Variants in CTNNA2 observed in about 807,000 individuals in gnomAD.
CTNNA2 encodes catenin alpha 2.
Under a neutral mutation model 101.0 loss-of-function variants are expected in CTNNA2, and 42 were observed. That is an observed-to-expected ratio of 0.42 (90% confidence interval 0.32 to 0.54). The LOEUF (loss-of-function observed/expected upper bound fraction) is 0.54. CTNNA2 is among the 20% of genes least tolerant of loss of function. CTNNA2 has a pLI of 0.14. For synonymous variants in CTNNA2, 450 were observed against 456.4 expected (o/e 0.99, Z 0.18); for missense variants, 871 against 1,223.1 (o/e 0.71, Z 4.29).
chr2:79,638,881 A>G (rs1460150269), intron 1 of CTNNA2, among the ~76,000 whole-genome samples: 1 of 152,166 alleles, frequency 6.6e-6, no homozygotes. Flanking sequence ...AAATATCTGC[A>G]TTTCTTTCTT....
At chr2:79,642,964 A>G (rs1233977058) in intron 1 of CTNNA2, among the ~76,000 whole-genome samples, 1 of 152,026 alleles carries the variant, frequency 6.6e-6, no homozygotes, top group Non-Finnish European at 1.5e-5. Flanking sequence ...AGGCCAAGGC[A>G]GGCAGATCAC....
At chr2:79,474,553 TTTAA>T (rs1458305568) in intron 4 of CTNNA2, among the ~76,000 whole-genome samples, 3 of 152,202 alleles carry the variant, frequency 2.0e-5, no homozygotes, top group Non-Finnish European at 2.9e-5. Context: ...TTTACTGTAC[TTTAA>T]TTATTTTTTA....
chr2:80,321,008 G>A (rs1678623188), intron 7 of CTNNA2, among the ~76,000 whole-genome samples: 1 of 152,154 alleles, frequency 6.6e-6, no homozygotes, highest in Admixed American at 6.5e-5. Flanking sequence ...ACCATAGTGT[G>A]CCAATATTAA....
chr2:79,525,656 A>G (rs556032787), intron 1 of CTNNA2, among the ~76,000 whole-genome samples: 9 of 152,148 alleles, frequency 5.9e-5, no homozygotes, highest in African/African-American at 1.9e-4. Context: ...AATAGATGAT[A>G]TAATTTTTAC....
At chr2:80,626,563 G>A (rs914121854) in intron 18 of CTNNA2, among the ~76,000 whole-genome samples, 1 of 151,904 alleles carries the variant, frequency 6.6e-6, no homozygotes, top group Non-Finnish European at 1.5e-5. Context: ...TTGCTGCTCT[G>A]ATTAAGATTG....
At chr2:80,263,121 A>G (rs1212034793) in intron 7 of CTNNA2, among the ~76,000 whole-genome samples, 1 of 152,116 alleles carries the variant, frequency 6.6e-6, no homozygotes, top group Non-Finnish European at 1.5e-5. Context: ...GAGTTTGTAC[A>G]TAATTGCTTA....
In CTNNA2 at chr2:79,744,595, A is replaced by C. The variant is rs955654943; in HGVS notation, c.298+13A>C. ...GTGCGCAAACAAGGTAGGCAGAATG[A>C]TATTATTGTTCAAGGCGGATCTATA... On this transcript the variant is annotated intron_variant, in intron 3 of 18. Transcript: ENST00000402739. 2 of 1,611,448 alleles carry C rather than the reference A, an allele frequency of 1.2e-6. No homozygotes were observed. Among genetic ancestry groups the C allele is most frequent in the African/African-American group, 2.7e-5 (2 of 74,862 alleles).
At chr2:79,310,189 T>C (rs751682211) in intron 2 of CTNNA2, among the ~76,000 whole-genome samples, 7 of 152,204 alleles carry the variant, frequency 4.6e-5, no homozygotes, top group Non-Finnish European at 7.4e-5. Flanking sequence ...TAGACTATGT[T>C]GCACTTTGTT....
chr2:79,835,598 G>A (rs532968593), intron 3 of CTNNA2, among the ~76,000 whole-genome samples: 3 of 148,706 alleles, frequency 2.0e-5, no homozygotes, highest in Non-Finnish European at 3.0e-5. Flanking sequence ...CCTTGAGAGA[G>A]TGAGGCCATT....
At chr2:79,837,082 G>T (rs189379407) in intron 3 of CTNNA2, among the ~76,000 whole-genome samples, 1 of 152,332 alleles carries the variant, frequency 6.6e-6, no homozygotes, top group East Asian at 1.9e-4. Context: ...TTGAATCTGT[G>T]TGAGTCAGGG....
At chr2:79,270,937 A>C (rs1254692787) in intron 2 of CTNNA2, among the ~76,000 whole-genome samples, 1 of 152,062 alleles carries the variant, frequency 6.6e-6, no homozygotes, top group African/African-American at 2.4e-5. Flanking sequence ...GGGATTTAAA[A>C]AAAAATGAGG....
intron 7 of CTNNA2, among the ~76,000 whole-genome samples, chr2:80,392,846 A>G (rs549996051): frequency 4.2e-4 from 64 of 152,328 alleles, no homozygotes; most frequent in African/African-American, 1.5e-3. Context: ...TCTTCTATTC[A>G]GAAATGTGCC....
chr2:80,275,555 T>A (rs1673834751), intron 7 of CTNNA2, among the ~76,000 whole-genome samples: 1 of 152,150 alleles, frequency 6.6e-6, no homozygotes, highest in Admixed American at 6.6e-5. Context: ...GTCACTAAAA[T>A]GTGTTATCAG....
At chr2:80,544,925 A>G (rs1691906647) in intron 9 of CTNNA2, 57 bp from the exon 10 acceptor site, 2 of 1,450,872 alleles carry the variant, frequency 1.4e-6, no homozygotes, top group African/African-American at 2.8e-5. Context: ...AGGCGGAGCA[A>G]CAGTATACTT....
At chr2:80,639,513 A>ATGTGTGTGTGTGTGTGTGTGTGTG (rs112045877) in intron 18 of CTNNA2, among the ~76,000 whole-genome samples, 16 of 147,518 alleles carry the variant, frequency 1.1e-4, no homozygotes, top group Non-Finnish European at 2.1e-4. Flanking sequence ...CCCAGCCTTG[A>ATGTGTGTGTGTGTGTGTGTGTGTG]TGTGTGTGTG....
intron 14 of CTNNA2, among the ~76,000 whole-genome samples, chr2:80,588,054 A>G (rs1186998314): frequency 6.6e-6 from 1 of 152,244 alleles, no homozygotes; most frequent in African/African-American, 2.4e-5. Flanking sequence ...CAGAGCTGCC[A>G]GTCAAGACAT....
chr2:79,910,144 G>T (rs1685685271), intron 7 of CTNNA2, among the ~76,000 whole-genome samples: 1 of 152,184 alleles, frequency 6.6e-6, no homozygotes, highest in Admixed American at 6.5e-5. Flanking sequence ...GATATAGTAA[G>T]TCCTCTGTTA....
At chr2:80,183,344 T>C (rs1416269743) in intron 7 of CTNNA2, among the ~76,000 whole-genome samples, 2 of 152,170 alleles carry the variant, frequency 1.3e-5, no homozygotes, top group East Asian at 3.9e-4. Context: ...TCTGACTCAA[T>C]ACCTGGTACT....
intron 9 of CTNNA2, among the ~76,000 whole-genome samples, chr2:80,434,321 C>T (rs774770696): frequency 6.6e-6 from 1 of 152,154 alleles, no homozygotes; most frequent in Non-Finnish European, 1.5e-5. Context: ...TGTTCAAAAA[C>T]ATGTATAATT....
Sources: gnomAD v4.1 joint callset for allele counts (sites outside exome capture counted in the v4.1 genomes callset) on GRCh38, gnomAD v4.1.1 for gene constraint, MANE v1.5 for transcripts, NCBI Gene and HGNC (gene_info 2026-07-23, HGNC 2026-07-21) for gene names.